PALD1: variants seen among roughly 807,000 people sequenced by gnomAD.
PALD1 encodes the protein phosphatase domain containing paladin 1, also known as paladin.
Under a neutral mutation model 96.0 loss-of-function variants are expected in PALD1, and 57 were observed. The observed-to-expected ratio is 0.59, with a 90% CI of 0.48 to 0.74. The LOEUF is 0.74. PALD1 is among the 30% of genes least tolerant of loss of function. The probability of loss-of-function intolerance (pLI) is 0.00; values close to 1 mark genes in which losing one functional copy is unlikely to be tolerated. For missense variants in PALD1, 1,063 were observed against 1,143.7 expected (o/e 0.93, Z 1.02); for synonymous variants, 464 against 473.6 (o/e 0.98, Z 0.26).
At chr10:70,554,468 AAAAG>A (rs1327219397) in intron 18 of PALD1, among the ~76,000 whole-genome samples, 2 of 152,116 alleles carry the variant, frequency 1.3e-5, no homozygotes, top group Non-Finnish European at 2.9e-5. Context: ...TCAAAAGGAA[AAAAG>A]AAAGAAAACC....
At chr10:70,553,400 G>A (rs1226280930) in intron 18 of PALD1, among the ~76,000 whole-genome samples, 1 of 152,190 alleles carries the variant, frequency 6.6e-6, no homozygotes, top group East Asian at 1.9e-4. Context: ...TGTGAGGAGA[G>A]TCTGGGTGAC....
rs61747271 is a variant in PALD1, at chr10:70,538,872, G to A, written c.1453-20G>A. On this transcript the variant is annotated intron_variant, in intron 12 of 19. Transcript: ENST00000263563. ...TACAGTCGGCTGCTGTGGGTCCCAG[G>A]CTTGGTGCTCTCCCCACAGCGGGAG... is the stretch of plus-strand genomic sequence containing the variant. The A allele has an allele frequency of 1.4e-4, 230 of 1,600,034 alleles. No individual in the cohort carries two copies. In the African/African-American group the frequency reaches 2.7e-3, roughly 19 times the overall value.
chr10:70,565,640 C>T (rs1030642028), intron 19 of PALD1, among the ~76,000 whole-genome samples: 5 of 152,162 alleles, frequency 3.3e-5, no homozygotes, highest in African/African-American at 1.2e-4. Context: ...GGCCTTGGGA[C>T]GTCAGGTGGA....
At chr10:70,537,545 G>A (rs1010171981) in intron 10 of PALD1, among the ~76,000 whole-genome samples, 2 of 152,258 alleles carry the variant, frequency 1.3e-5, no homozygotes, top group African/African-American at 4.8e-5. Flanking sequence ...GGCGCTGGGA[G>A]CCTGCTTGGG....
chr10:70,501,834 T>TGTGTGTGTGCGC (rs774868338), intron 1 of PALD1, among the ~76,000 whole-genome samples: 34 of 149,494 alleles, frequency 2.3e-4, no homozygotes, highest in African/African-American at 7.1e-4. Flanking sequence ...TGTGTGTGTG[T>TGTGTGTGTGCGC]GCGTGCGTGC....
intron 18 of PALD1, among the ~76,000 whole-genome samples, chr10:70,550,713 A>G (rs1322315858): frequency 1.3e-5 from 2 of 152,216 alleles, no homozygotes; most frequent in Non-Finnish European, 2.9e-5. Context: ...GTATAAGTGG[A>G]ATCATACACC....
At chr10:70,495,328 ACTCCCTCC>A (rs559448399) in intron 1 of PALD1, among the ~76,000 whole-genome samples, 7 of 150,494 alleles carry the variant, frequency 4.7e-5, no homozygotes, top group Non-Finnish European at 1.0e-4. Context: ...TCCCTGGTGG[ACTCCCTCC>A]CTCCCTCCCT....
At chr10:70,518,180 G>A (rs966118887) in intron 1 of PALD1, among the ~76,000 whole-genome samples, 19 of 152,224 alleles carry the variant, frequency 1.2e-4, no homozygotes, top group African/African-American at 4.6e-4. Flanking sequence ...GGGATTACAG[G>A]CGAGAGCCAC....
At chr10:70,530,618 C>T (rs1846972338) in intron 4 of PALD1, among the ~76,000 whole-genome samples, 1 of 152,096 alleles carries the variant, frequency 6.6e-6, no homozygotes, top group South Asian at 2.1e-4. Flanking sequence ...CAGGGTTTTG[C>T]GTGTCCCTAG....
At chr10:70,479,229 G>A (rs1845886300) in intron 1 of PALD1, among the ~76,000 whole-genome samples, 170 bp downstream of exon 1, 1 of 152,200 alleles carries the variant, frequency 6.6e-6, no homozygotes, top group South Asian at 2.1e-4. Context: ...GAGGCAAGAG[G>A]GACTCACAGG....
chr10:70,509,664 C>T (rs1846472577), intron 1 of PALD1, among the ~76,000 whole-genome samples: 1 of 152,166 alleles, frequency 6.6e-6, no homozygotes, highest in Non-Finnish European at 1.5e-5. Context: ...TGAGGGTGGC[C>T]TGGCGTGCCT....
intron 5 of PALD1, among the ~76,000 whole-genome samples, chr10:70,531,914 C>T (rs139543284): frequency 1.6e-3 from 239 of 145,924 alleles, no homozygotes; most frequent in African/African-American, 5.7e-3. Flanking sequence ...ACCTGGGAGG[C>T]GGAGGTTGCA....
At chr10:70,524,762 G>T (rs1410736717) in intron 1 of PALD1, among the ~76,000 whole-genome samples, 2 of 152,086 alleles carry the variant, frequency 1.3e-5, no homozygotes, top group Admixed American at 6.6e-5. Flanking sequence ...CCCTATAGAT[G>T]TCTCATTATT....
At chr10:70,515,685 T>C (rs1589189789) in intron 1 of PALD1, among the ~76,000 whole-genome samples, 1 of 152,300 alleles carries the variant, frequency 6.6e-6, no homozygotes, top group African/African-American at 2.4e-5. Flanking sequence ...TCTGCACACA[T>C]TCACTGATTT....
chr10:70,494,361 C>T (rs1846152548), intron 1 of PALD1, among the ~76,000 whole-genome samples: 1 of 152,196 alleles, frequency 6.6e-6, no homozygotes, highest in Admixed American at 6.5e-5. Flanking sequence ...AACAGTGCCT[C>T]ACACATAGGT....
chr10:70,519,602 TC>T (rs1554857101), intron 1 of PALD1, among the ~76,000 whole-genome samples: 2 of 147,126 alleles, frequency 1.4e-5, no homozygotes, highest in Non-Finnish European at 3.0e-5. Context: ...TGAGACGAAG[TC>T]TGGCTCTGTC....
At chr10:70,532,565 CAG>C in intron 5 of PALD1, 54 bp from the exon 6 acceptor site, 1 of 1,571,540 alleles carries the variant, frequency 6.4e-7, no homozygotes, top group East Asian at 2.2e-5. Context: ...CCAGGACACT[CAG>C]GGAGGGTCTT....
At chr10:70,497,933 A>T (rs1846224316) in intron 1 of PALD1, among the ~76,000 whole-genome samples, 2 of 152,140 alleles carry the variant, frequency 1.3e-5, no homozygotes, top group Non-Finnish European at 2.9e-5. Flanking sequence ...AATATACGTA[A>T]CATAAAATTT....
intron 1 of PALD1, among the ~76,000 whole-genome samples, chr10:70,488,927 G>T (rs529423094): frequency 6.6e-6 from 1 of 151,404 alleles, no homozygotes; most frequent in South Asian, 2.2e-4. Flanking sequence ...GGTCTGGGTG[G>T]ATGTATCCTC....
Sources: allele counts gnomAD v4.1 joint callset (sites outside exome capture counted in the v4.1 genomes callset), GRCh38; gene constraint gnomAD v4.1.1; transcripts MANE v1.5; gene names NCBI Gene and HGNC (gene_info 2026-07-23, HGNC 2026-07-21).